Variants in ABCA10 observed in about 807,000 individuals in gnomAD.
ABCA10 encodes the protein ATP binding cassette subfamily A member 10.
ABCA10 carries 169 observed loss-of-function variants against 187.5 expected under a neutral mutation model. The ratio of observed to expected loss-of-function variants is 0.90; its 90% CI spans 0.80 to 1.02. ABCA10 has a LOEUF of 1.02. Among genes scored for constraint, ABCA10 ranks in the 50% least tolerant of loss-of-function variants. The pLI is 0.00. For missense variants in ABCA10, 1,727 were observed against 1,812.4 expected (o/e 0.95, Z 0.86); for synonymous variants, 574 against 601.8 (o/e 0.95, Z 0.68).
rs111599831 is a variant in ABCA10, at chr17:69,193,976, AAT to A, written c.1357_1358del (p.Ile453LeufsTer2). On this transcript the variant is annotated frameshift_variant, in exon 13 of 39. Transcript: ENST00000690296. LOFTEE classifies it high-confidence loss of function. ...LSVSTEGSAT[I>X]YNTQLSEITD... ...TTATTTCAGAGAGTTGAGTATTATA[AAT>A]AGTGGCTGATCCTATAAATAGAAAT... 28,467 of 1,601,838 alleles carry A rather than the reference AAT, an allele frequency of 0.018. 4,282 individuals are homozygous for A. The African/African-American group carries it at 0.33, about 19-fold the overall frequency.
At chr17:69,213,992 C>T (rs914967561) in intron 9 of ABCA10, among the ~76,000 whole-genome samples, 3 of 152,062 alleles carry the variant, frequency 2.0e-5, no homozygotes, top group African/African-American at 4.8e-5. Flanking sequence ...TTTTGAGATT[C>T]GGAAGAACAA....
chr17:69,233,098 A>G (rs1353556299), upstream of ABCA10: 3 of 151,944 alleles, frequency 2.0e-5, no homozygotes, highest in Admixed American at 2.0e-4. Flanking sequence ...CTGTATATTT[A>G]TATCTTTCTC....
At position 69,164,081 on chromosome 17, in the gene ABCA10, G is replaced by A; in HGVS notation, c.3356C>T (p.Thr1119Ile). 3.2e-6 allele frequency: 5 copies of A among 1,570,408 alleles called. No individual in the cohort carries two copies. In the South Asian group the frequency reaches 3.6e-5, roughly 11 times the overall value. The change falls in exon 27 of 39, where the codon ACC becomes ATC. Residue 1119 changes from threonine (T) to isoleucine (I), a missense_variant. Thr to Ile is a moderately conservative substitution (Grantham distance 89). Transcript: ENST00000690296. The stretch of plus-strand genomic sequence containing the variant: ...GTAGAAAATGTTCCTTACTATTAAG[G>A]TTGTTAAAAGAATGGTTTTATTGAC... ...NEVNKTILLT[T>I]LIPYLQSVIF...
intron 10 of ABCA10, among the ~76,000 whole-genome samples, chr17:69,199,179 C>A (rs1386536820): frequency 6.6e-6 from 1 of 152,194 alleles, no homozygotes; most frequent in Non-Finnish European, 1.5e-5. Flanking sequence ...CCTTAAGAGT[C>A]ACCTCCTTTT....
chr17:69,209,793 C>A (rs62082747), intron 9 of ABCA10, among the ~76,000 whole-genome samples: 2 of 152,130 alleles, frequency 1.3e-5, no homozygotes, highest in Non-Finnish European at 2.9e-5. Context: ...TATGTGGTAG[C>A]CCATGGCTCC....
chr17:69,187,981 C>A (rs2074434830), intron 18 of ABCA10, 102 bp from the exon 19 acceptor site: 2 of 1,041,194 alleles, frequency 1.9e-6, no homozygotes, highest in Non-Finnish European at 1.4e-6. Context: ...GCACTTCCAA[C>A]AAGTTAAGCT....
At chr17:69,177,965 A>ATATATATATATAT (rs1555659730) in intron 22 of ABCA10, among the ~76,000 whole-genome samples, 2 of 125,312 alleles carry the variant, frequency 1.6e-5, no homozygotes, top group African/African-American at 5.7e-5. Context: ...CAAAAAAAAA[A>ATATATATATATAT]AAAAAAAAAT....
At position 69,190,469 on chromosome 17, in the gene ABCA10, T is replaced by C. The variant is rs1160789622; in HGVS notation, c.2020A>G (p.Ser674Gly). ...TGGTCAGAACACTTATCAAGGTCAC[T>C]GTAAAGATCTAAAAAGCCAATAGTA... ...EKTNKFPDLY[S>G]DLDKCSDQGI... is the part of the protein sequence containing the mutation. Residue 674 changes from serine (S) to glycine (G), a missense_variant, in exon 18 of 39, where the codon AGT becomes GGT. Physicochemically the swap from Ser to Gly is moderately conservative, Grantham distance 56 (BLOSUM62 0). Transcript: ENST00000690296. 24 of 1,568,372 alleles carry C rather than the reference T, an allele frequency of 1.5e-5. No individual in the cohort carries two copies. The highest frequency in any genetic ancestry group is 1.9e-5 in the Non-Finnish European group (22 of 1,167,062).
At chr17:69,210,926 C>T (rs1159286041) in intron 9 of ABCA10, among the ~76,000 whole-genome samples, 1 of 148,710 alleles carries the variant, frequency 6.7e-6, no homozygotes, top group East Asian at 2.0e-4. Flanking sequence ...CATATTTTTG[C>T]AATACCACTT....
upstream of ABCA10, chr17:69,228,829 G>A (rs2074812866): frequency 6.6e-6 from 1 of 151,902 alleles, no homozygotes; most frequent in Non-Finnish European, 1.5e-5. Flanking sequence ...TGAATTGTTG[G>A]CTGAGCGCAT....
In ABCA10 at chr17:69,153,359, A is replaced by G. The variant is rs2074145150; in HGVS notation, c.4082T>C (p.Val1361Ala). Residue 1361 changes from valine to alanine, a missense_variant, in exon 34 of 39, where the codon GTG becomes GCG. Transcript: ENST00000690296. ...VLSILGNPSV[V>A]LLDEPFTGMD... ...CCCGGTGAACGGCTCATCTAGAAGC[A>G]CCACTGATGGGTTCCCCAGGATGCT... 5 of 1,613,672 alleles carry G rather than the reference A, an allele frequency of 3.1e-6. No individual in the cohort carries two copies. Among genetic ancestry groups the G allele is most frequent in the African/African-American group, 1.3e-5 (1 of 75,028 alleles).
Position 69,193,999 on chromosome 17 carries a change from G to A in ABCA10, c.1346-10C>T, listed in dbSNP as rs2074481013. On this transcript the variant is annotated splice_polypyrimidine_tract_variant and intron_variant, in intron 12 of 38. Transcript: ENST00000690296. ...TAAATAGTGGCTGATCCTATAAATA[G>A]AAATTTAAAAGGCTTTACTGCCAGA... The A allele has an allele frequency of 1.3e-6, 2 of 1,572,078 alleles. No homozygotes were observed. Among genetic ancestry groups the A allele is most frequent in the Middle Eastern group, 1.7e-4 (1 of 5,936 alleles).
chr17:69,203,781 A>G (rs1006158057), intron 9 of ABCA10, among the ~76,000 whole-genome samples: 2 of 152,206 alleles, frequency 1.3e-5, no homozygotes, highest in African/African-American at 4.8e-5. Context: ...AGTTCAAGAA[A>G]CAAATATGTT....
chr17:69,227,968 C>T (rs1465231289), intron 1 of ABCA10, among the ~76,000 whole-genome samples: 1 of 151,882 alleles, frequency 6.6e-6, no homozygotes, highest in African/African-American at 2.4e-5. Context: ...AAATCCAGAG[C>T]TGATCATTTG....
In ABCA10 at chr17:69,219,467, C is replaced by T. The variant is rs534483547; in HGVS notation, c.530+78G>A. 20 of 1,068,910 alleles carry T rather than the reference C, an allele frequency of 1.9e-5. No individual in the cohort carries two copies. In the East Asian group the frequency reaches 2.8e-4, roughly 15 times the overall value. 66.2% of individuals were successfully genotyped at this position (1,068,910 alleles called of 1,614,324 possible). A position where few individuals can be genotyped will look rare whatever the true frequency, so the allele number is the denominator to read the frequency against. ...ATACGTGCAAGAAAACTTGTGAGTG[C>T]GTCCAATTTTTTAAGAACCTAGTTA... is the stretch of plus-strand genomic sequence containing the variant. On this transcript the variant is annotated intron_variant, in intron 6 of 38. Coordinates refer to ENST00000690296, the MANE Select transcript of ABCA10 (RefSeq NM_001377321.1).
chr17:69,215,947 A>G lies in ABCA10; in HGVS notation c.726T>C (p.Gly242=), dbSNP rs780110126. The change falls in exon 8 of 39, where the codon GGT becomes GGC. Residue 242 remains glycine, a synonymous_variant. Transcript: ENST00000690296. ...ATACAGTGAAGAGAAATCCAGCCAA[A>G]CCAGCGAGCATAGGTTTCCTTATTA... The part of the protein sequence containing the change: ...SVLIRKPMLA[G]LAGFLFTVFW... The G allele has an allele frequency of 1.2e-6, 2 of 1,613,990 alleles. No individual in the cohort carries two copies. Among genetic ancestry groups the G allele is most frequent in the Non-Finnish European group, 8.5e-7 (1 of 1,179,960 alleles).
chr17:69,200,773 C>T (rs1394711951), intron 10 of ABCA10, among the ~76,000 whole-genome samples: 1 of 151,978 alleles, frequency 6.6e-6, no homozygotes, highest in Non-Finnish European at 1.5e-5. Flanking sequence ...GTGCAAGTGG[C>T]GCCATACTGG....
intron 11 of ABCA10, among the ~76,000 whole-genome samples, chr17:69,196,756 A>G (rs920513032): frequency 2.0e-5 from 3 of 152,210 alleles, no homozygotes; most frequent in African/African-American, 7.2e-5. Context: ...TCCGTCTGCA[A>G]TCCCAGCACC....
At chr17:69,230,200 C>T (rs2074822030), upstream of ABCA10, among the ~76,000 whole-genome samples, 1 of 152,090 alleles carries the variant, frequency 6.6e-6, no homozygotes, top group South Asian at 2.1e-4. Context: ...CACCAGATAT[C>T]AGTGCCATGC....
Sources: allele counts gnomAD v4.1 joint callset (sites outside exome capture counted in the v4.1 genomes callset), GRCh38; gene constraint gnomAD v4.1.1; transcripts MANE v1.5; gene names NCBI Gene and HGNC (gene_info 2026-07-23, HGNC 2026-07-21).